Variants in NTNG1 observed in about 807,000 individuals in gnomAD.
The protein encoded by NTNG1 is netrin-G1.
In NTNG1, 16 loss-of-function variants were observed where a neutral mutation model predicts 54.0. The observed-to-expected ratio is 0.30, with a 90% CI of 0.20 to 0.45. The LOEUF is 0.45. Ranked by LOEUF, NTNG1 falls within the 20% of genes least tolerant of loss-of-function variation. The pLI is 1.00. For missense variants in NTNG1, 530 were observed against 678.7 expected, an observed-to-expected ratio of 0.78 and a Z score of 2.43; for synonymous variants, 255 against 263.1, an observed-to-expected ratio of 0.97 and a Z score of 0.30.
chr1:107,179,398 T>C (rs1434938137), intron 2 of NTNG1, among the ~76,000 whole-genome samples: 1 of 152,228 alleles, frequency 6.6e-6, no homozygotes, highest in African/African-American at 2.4e-5. Flanking sequence ...GTATCTTTTA[T>C]GTTTTTATTT....
intron 4 of NTNG1, among the ~76,000 whole-genome samples, chr1:107,406,419 A>G (rs1023104979): frequency 2.0e-5 from 3 of 152,134 alleles, no homozygotes; most frequent in African/African-American, 7.2e-5. Context: ...CATGTGTCAG[A>G]CATTTTTATG....
At position 107,390,107 on chromosome 1, in the gene NTNG1, T is replaced by G. The variant is rs1471191155; in HGVS notation, c.888-5047T>G. Among the ~76,000 whole-genome samples, 3 of 152,140 alleles carry G rather than the reference T, an allele frequency of 2.0e-5. No homozygotes were observed. The East Asian group carries it at 5.8e-4, about 29-fold the overall frequency. ...TGGAATGGGGCTGGTGAGGATAAACTGAGTTGTGGAAAATGAAAGGGAGTC... is the reference window on the plus strand; with the variant it reads ...TGGAATGGGGCTGGTGAGGATAAACGGAGTTGTGGAAAATGAAAGGGAGTC... On this transcript the variant is annotated intron_variant, in intron 3 of 7. Coordinates refer to ENST00000370068, the MANE Select transcript of NTNG1 (RefSeq NM_001113226.3).
intron 2 of NTNG1, among the ~76,000 whole-genome samples, chr1:107,181,335 A>T (rs1208267868): frequency 6.6e-6 from 1 of 152,204 alleles, no homozygotes; most frequent in African/African-American, 2.4e-5. Context: ...CCCTTGGTTC[A>T]CATCTATCAG....
At chr1:107,384,046 T>G (rs1671806434) in intron 3 of NTNG1, among the ~76,000 whole-genome samples, 4 of 152,194 alleles carry the variant, frequency 2.6e-5, no homozygotes, top group Admixed American at 2.6e-4. Flanking sequence ...GTTATGTCTT[T>G]TATCCTTCAG....
chr1:107,197,756 C>A (rs1658446936), intron 2 of NTNG1, among the ~76,000 whole-genome samples: 1 of 151,920 alleles, frequency 6.6e-6, no homozygotes, highest in Non-Finnish European at 1.5e-5. Flanking sequence ...ATCCATTTTT[C>A]TTTCTCTGTG....
chr1:107,381,694 T>A (rs1206938501), intron 3 of NTNG1, among the ~76,000 whole-genome samples: 2 of 152,164 alleles, frequency 1.3e-5, no homozygotes. Context: ...GTTAGAAAAA[T>A]AATCCAAACC....
rs901482360 is a variant in NTNG1, at chr1:107,298,467, G to A, written c.247-25815G>A. On this transcript the variant is annotated intron_variant, in intron 2 of 7. Transcript: ENST00000370068. ...CATATAAAAAGAAATCATATGATAG[G>A]TAACATAGCAGAGAATATGCCATCC... 1.3e-5 allele frequency among the ~76,000 whole-genome samples: 2 copies of A among 152,156 alleles called. 1 individual carries two copies. Among genetic ancestry groups the A allele is most frequent in the Non-Finnish European group, 2.9e-5 (2 of 68,020 alleles).
chr1:107,430,322 C>G (rs1236567153), intron 5 of NTNG1, among the ~76,000 whole-genome samples: 1 of 152,096 alleles, frequency 6.6e-6, no homozygotes, highest in Non-Finnish European at 1.5e-5. Context: ...TACTTAGACT[C>G]TCAATGCTCA....
In NTNG1 at chr1:107,352,487, C is replaced by T. The variant is rs143344074; in HGVS notation, c.887+27565C>T. ...CAAATGGGGACTCTGAGTGGAGGCT[C>T]CAGCCCCACATTTCCCCTCTGTGAT... On this transcript the variant is annotated intron_variant, in intron 3 of 7. Transcript: ENST00000370068. Among the ~76,000 whole-genome samples the T allele has an allele frequency of 4.3e-3, 648 of 152,292 alleles. 2 individuals are homozygous for T. Among genetic ancestry groups the T allele is most frequent in the Non-Finnish European group, 6.1e-3 (413 of 68,020 alleles).
rs892576002 is a variant in NTNG1, at chr1:107,267,159, G to A, written c.247-57123G>A. 2.6e-5 allele frequency among the ~76,000 whole-genome samples: 4 copies of A among 152,152 alleles called. No individual in the cohort carries two copies. In the East Asian group the frequency reaches 7.7e-4, roughly 29 times the overall value. ...ATGTCCATACTGAGCCTTCACCTTT[G>A]TCATTTGTAAAAAGGGATGGCAAGA... On this transcript the variant is annotated intron_variant, in intron 2 of 7. Transcript: ENST00000370068.
At chr1:107,457,164 C>T (rs1677003487) in intron 7 of NTNG1, among the ~76,000 whole-genome samples, 1 of 152,198 alleles carries the variant, frequency 6.6e-6, no homozygotes, top group Non-Finnish European at 1.5e-5. Flanking sequence ...GTCTGTTCTC[C>T]TTCATTAAGA....
intron 3 of NTNG1, among the ~76,000 whole-genome samples, chr1:107,378,367 C>A (rs571668289): frequency 1.3e-5 from 2 of 152,248 alleles, no homozygotes; most frequent in African/African-American, 2.4e-5. Context: ...TGATTGCTTT[C>A]GGCAGGGAAA....
intron 2 of NTNG1, among the ~76,000 whole-genome samples, chr1:107,242,393 T>A (rs1443411450): frequency 6.6e-6 from 1 of 152,176 alleles, no homozygotes; most frequent in African/African-American, 2.4e-5. Flanking sequence ...TACCTAAAAA[T>A]TTTTATGAAG....
chr1:107,239,968 C>G (rs997941069), intron 2 of NTNG1, among the ~76,000 whole-genome samples: 4 of 152,192 alleles, frequency 2.6e-5, no homozygotes, highest in African/African-American at 9.7e-5. Flanking sequence ...ATCAGTTACA[C>G]TAGTCACACT....
At chr1:107,333,519 AACTT>A (rs1167020113) in intron 3 of NTNG1, among the ~76,000 whole-genome samples, 1 of 152,030 alleles carries the variant, frequency 6.6e-6, no homozygotes, top group African/African-American at 2.4e-5. Context: ...GAGCCTCTAG[AACTT>A]ACTTAGTCAA....
chr1:107,364,889 C>T (rs1260011140), intron 3 of NTNG1, among the ~76,000 whole-genome samples: 12 of 152,272 alleles, frequency 7.9e-5, no homozygotes, highest in African/African-American at 2.6e-4. Flanking sequence ...TACCTTTTGT[C>T]TCCCAGTCCT....
chr1:107,368,001 G>A (rs1007542397), intron 3 of NTNG1, among the ~76,000 whole-genome samples: 5 of 151,966 alleles, frequency 3.3e-5, no homozygotes, highest in African/African-American at 4.8e-5. Flanking sequence ...ACCTCAACCC[G>A]CCTGCCTCGG....
chr1:107,414,340 TG>T (rs1674054322), intron 5 of NTNG1, among the ~76,000 whole-genome samples: 1 of 152,148 alleles, frequency 6.6e-6, no homozygotes, highest in Admixed American at 6.6e-5. Flanking sequence ...TGTAACAGTT[TG>T]GGGGTGGGTT....
chr1:107,143,139 G>A (rs1653850941), intron 1 of NTNG1: 2 of 152,040 alleles, frequency 1.3e-5, no homozygotes. Flanking sequence ...AGGCATTCAG[G>A]ATTCTATATA....
Sources: allele counts gnomAD v4.1 joint callset (sites outside exome capture counted in the v4.1 genomes callset), GRCh38; gene constraint gnomAD v4.1.1; transcripts MANE v1.5; gene names NCBI Gene and HGNC (gene_info 2026-07-23, HGNC 2026-07-21).